BCAS4: variants seen among roughly 807,000 people sequenced by gnomAD.
The protein encoded by BCAS4 is breast carcinoma amplified sequence 4, also known as breast carcinoma-amplified sequence 4.
Under a neutral mutation model 15.7 loss-of-function variants are expected in BCAS4, and 9 were observed. The observed-to-expected ratio is 0.57, with a 90% CI of 0.34 to 1.00. BCAS4 has a LOEUF of 1.00. BCAS4 is among the 50% of genes least tolerant of loss of function. The probability of loss-of-function intolerance (pLI) is 0.02; values close to 1 mark genes in which losing one functional copy is unlikely to be tolerated. For missense variants in BCAS4, 225 were observed against 239.1 expected (o/e 0.94, Z 0.39); for synonymous variants, 101 against 99.5 (o/e 1.02, Z -0.09).
intron 1 of BCAS4, among the ~76,000 whole-genome samples, chr20:50,813,271 C>T (rs995267450): frequency 2.6e-5 from 4 of 152,214 alleles, no homozygotes; most frequent in Non-Finnish European, 5.9e-5. Context: ...TCCTCGCCAG[C>T]CCTCATCATT....
chr20:50,839,308 C>T (rs915888494), intron 3 of BCAS4, among the ~76,000 whole-genome samples: 3 of 152,216 alleles, frequency 2.0e-5, no homozygotes, highest in African/African-American at 7.2e-5. Flanking sequence ...TATGAAAAGA[C>T]AGACACCAGA....
chr20:50,852,045 C>T (rs554702614), intron 4 of BCAS4, among the ~76,000 whole-genome samples: 1 of 152,362 alleles, frequency 6.6e-6, no homozygotes, highest in East Asian at 1.9e-4. Flanking sequence ...CCACCACAAG[C>T]AGCACTTACC....
At chr20:50,841,975 C>T in intron 4 of BCAS4, 75 bp downstream of exon 4, 1 of 1,469,764 alleles carries the variant, frequency 6.8e-7, no homozygotes, top group South Asian at 1.4e-5. Flanking sequence ...TGGGGAGGAG[C>T]ATGCAGGAAG....
intron 2 of BCAS4, among the ~76,000 whole-genome samples, chr20:50,824,522 G>T (rs2088253737): frequency 6.6e-6 from 1 of 152,230 alleles, no homozygotes; most frequent in African/African-American, 2.4e-5. Flanking sequence ...TCTAGAGCAT[G>T]GAGGCTTTTT....
intron 1 of BCAS4, among the ~76,000 whole-genome samples, chr20:50,810,781 G>A (rs924512989): frequency 1.1e-4 from 16 of 151,922 alleles, no homozygotes; most frequent in African/African-American, 3.4e-4. Flanking sequence ...TAGTAGAGAC[G>A]GGGTTTCACC....
At chr20:50,816,529 G>C (rs1221785091) in intron 1 of BCAS4, among the ~76,000 whole-genome samples, 1 of 152,162 alleles carries the variant, frequency 6.6e-6, no homozygotes, top group Non-Finnish European at 1.5e-5. Flanking sequence ...TGGCAGCTCC[G>C]GGCCTGCATT....
At chr20:50,858,596 T>C (rs1467157049) in intron 4 of BCAS4, among the ~76,000 whole-genome samples, 2 of 152,056 alleles carry the variant, frequency 1.3e-5, no homozygotes, top group East Asian at 3.8e-4. Context: ...AGTGAGACTC[T>C]GTCTCAAAAA....
chr20:50,812,746 A>G (rs573166525), intron 1 of BCAS4, among the ~76,000 whole-genome samples: 70 of 151,706 alleles, frequency 4.6e-4, no homozygotes, highest in African/African-American at 1.6e-3. Context: ...AGGCTTTTCA[A>G]CTTTTTGACT....
chr20:50,882,241 C>T, the BCAS4 span: 1 of 152,100 alleles, frequency 6.6e-6, no homozygotes, highest in Non-Finnish European at 1.5e-5. Context: ...AATTCCACCC[C>T]TAGGAATCCA....
chr20:50,840,664 A>C (rs931212186), intron 3 of BCAS4: 21 of 1,612,796 alleles, frequency 1.3e-5, no homozygotes. Flanking sequence ...TTTGGAAGGC[A>C]GTGGATTTTT....
At chr20:50,863,880 C>G (rs1310470549) in intron 4 of BCAS4, among the ~76,000 whole-genome samples, 2 of 141,704 alleles carry the variant, frequency 1.4e-5, no homozygotes, top group Non-Finnish European at 3.0e-5. Context: ...ACGAAGGACT[C>G]TTCCATTTGC....
intron 1 of BCAS4, among the ~76,000 whole-genome samples, chr20:50,810,356 C>T (rs1569019661): frequency 2.0e-5 from 3 of 151,914 alleles, no homozygotes; most frequent in Admixed American, 2.0e-4. Flanking sequence ...TTGGATCCCA[C>T]CTCTTCACCG....
At chr20:50,880,887 A>G (rs993219830), downstream of BCAS4, 1 of 152,196 alleles carries the variant, frequency 6.6e-6, no homozygotes, top group African/African-American at 2.4e-5. Context: ...ATAGAGCTCC[A>G]TACCTCACTC....
chr20:50,810,962 G>T (rs955223378), intron 1 of BCAS4, among the ~76,000 whole-genome samples: 2 of 152,170 alleles, frequency 1.3e-5, no homozygotes, highest in African/African-American at 4.8e-5. Flanking sequence ...AGGACCGGGA[G>T]TAGGGGAGCT....
At chr20:50,813,081 A>C (rs2088091565) in intron 1 of BCAS4, among the ~76,000 whole-genome samples, 1 of 152,104 alleles carries the variant, frequency 6.6e-6, no homozygotes, top group Admixed American at 6.5e-5. Flanking sequence ...AGCCTCCCAA[A>C]GTGCTGGGAC....
At chr20:50,872,488 G>A (rs1004382554) in intron 4 of BCAS4, among the ~76,000 whole-genome samples, 6 of 149,778 alleles carry the variant, frequency 4.0e-5, no homozygotes, top group Admixed American at 6.7e-5. Flanking sequence ...GGAGAATGGC[G>A]TGAACCCAGG....
chr20:50,814,141 G>C (rs183325300), intron 1 of BCAS4, among the ~76,000 whole-genome samples: 1 of 152,122 alleles, frequency 6.6e-6, no homozygotes, highest in African/African-American at 2.4e-5. Flanking sequence ...TCTTGGGCTT[G>C]TTTCTCCCTT....
At chr20:50,841,937 CT>C (rs1416365205) in intron 4 of BCAS4, 37 bp downstream of exon 4, 1 of 1,527,652 alleles carries the variant, frequency 6.5e-7, no homozygotes. Context: ...GGGAGGGCCT[CT>C]CCCCCTTCGC....
At chr20:50,881,084 T>C (rs926648216), downstream of BCAS4, 1 of 151,894 alleles carries the variant, frequency 6.6e-6, no homozygotes, top group African/African-American at 2.4e-5. Context: ...AATAGAAAAA[T>C]TAGCCAGGCA....
Sources: gnomAD v4.1 joint callset for allele counts (sites outside exome capture counted in the v4.1 genomes callset) on GRCh38, gnomAD v4.1.1 for gene constraint, MANE v1.5 for transcripts, NCBI Gene and HGNC (gene_info 2026-07-23, HGNC 2026-07-21) for gene names.